FOCAD: variants seen among roughly 807,000 people sequenced by gnomAD.
The protein encoded by FOCAD is KIAA1797.
In FOCAD, 198 loss-of-function variants were observed where a neutral mutation model predicts 225.6. The ratio of observed to expected loss-of-function variants is 0.88; its 90% confidence interval spans 0.78 to 0.99. The LOEUF is 0.99. Among genes scored for constraint, FOCAD ranks in the 50% least tolerant of loss-of-function variants. FOCAD has a pLI of 0.00. For missense variants in FOCAD, 2,713 were observed against 2,123.6 expected (o/e 1.28, Z -5.46); for synonymous variants, 897 against 755.0 (o/e 1.19, Z -3.08).
At chr9:20,763,050 G>T (rs77910732) in intron 6 of FOCAD, among the ~76,000 whole-genome samples, 13 of 152,296 alleles carry the variant, frequency 8.5e-5, no homozygotes, top group South Asian at 2.1e-4. Context: ...GCTTCTTGAG[G>T]ATAGATAATT....
Position 20,971,326 on chromosome 9 carries a change from T to G in FOCAD, c.4133-5094T>G, listed in dbSNP as rs183272575. Among the ~76,000 whole-genome samples, 1,443 of 152,318 alleles carry G rather than the reference T, an allele frequency of 9.5e-3. 24 individuals carry two copies. Among genetic ancestry groups the G allele is most frequent in the Middle Eastern group, 0.034 (10 of 294 alleles). On this transcript the variant is annotated intron_variant, in intron 35 of 43. Coordinates refer to ENST00000338382, the MANE Select transcript of FOCAD (RefSeq NM_001375567.1). ...ACTCTGCTGCCACTTCCACTTCTAC[T>G]TTTTCTTTATCTCTACCAATTATGC... is the stretch of plus-strand genomic sequence containing the variant.
intron 37 of FOCAD, among the ~76,000 whole-genome samples, 192 bp downstream of exon 37, chr9:20,978,646 G>A (rs959438194): frequency 7.2e-5 from 11 of 152,180 alleles, no homozygotes; most frequent in Admixed American, 2.6e-4. Flanking sequence ...AGCCATTACC[G>A]TTCATGCTTT....
chr9:20,797,526 C>G (rs577755998), intron 11 of FOCAD, among the ~76,000 whole-genome samples: 1 of 152,218 alleles, frequency 6.6e-6, no homozygotes, highest in African/African-American at 2.4e-5. Flanking sequence ...TTGAAGAGGT[C>G]CTTCACATCC....
rs1037794368 is a variant in FOCAD, at chr9:20,832,936, T to C, written c.1920+9821T>C. Among the ~76,000 whole-genome samples, 9 of 152,118 alleles carry C rather than the reference T, an allele frequency of 5.9e-5. 1 individual carries two copies. Among genetic ancestry groups the C allele is most frequent in the African/African-American group, 2.2e-4 (9 of 41,444 alleles). ...GAGAGTGCAGATATCTTTGTAAGGC[T>C]GTGATATCTTTATGAGGTAGTGACT... On this transcript the variant is annotated intron_variant, in intron 15 of 43. Coordinates refer to ENST00000338382, the MANE Select transcript of FOCAD (RefSeq NM_001375567.1).
intron 40 of FOCAD, among the ~76,000 whole-genome samples, chr9:20,987,281 G>A (rs1209904279): frequency 6.6e-6 from 1 of 152,154 alleles, no homozygotes; most frequent in Non-Finnish European, 1.5e-5. Context: ...GGCAAGGCAG[G>A]TGGATCACCT....
intron 14 of FOCAD, among the ~76,000 whole-genome samples, chr9:20,821,345 A>T (rs1325077980): frequency 6.6e-6 from 1 of 152,022 alleles, no homozygotes; most frequent in Non-Finnish European, 1.5e-5. Flanking sequence ...AAAACATGTG[A>T]TGTTATGTTT....
chr9:20,964,695 C>A (rs988063455), intron 35 of FOCAD, among the ~76,000 whole-genome samples: 1 of 152,070 alleles, frequency 6.6e-6, no homozygotes, highest in Non-Finnish European at 1.5e-5. Flanking sequence ...GCCACCACGC[C>A]CAGCTAATTT....
intron 35 of FOCAD, among the ~76,000 whole-genome samples, chr9:20,954,231 T>A (rs2132401288): frequency 6.6e-6 from 1 of 152,336 alleles, no homozygotes; most frequent in South Asian, 2.1e-4. Context: ...GTTAGTTCAT[T>A]GTTTATGTTA....
intron 22 of FOCAD, among the ~76,000 whole-genome samples, chr9:20,908,654 C>T (rs1833180190): frequency 6.6e-6 from 1 of 152,058 alleles, no homozygotes. Context: ...TCTTCAGCAG[C>T]ATCTGGGCAC....
In FOCAD at chr9:20,959,127, G is replaced by A. The variant is rs558626161; in HGVS notation, c.4132+6062G>A. Among the ~76,000 whole-genome samples the A allele has an allele frequency of 8.5e-5, 13 of 152,206 alleles. No homozygotes were observed. In the South Asian group the frequency reaches 2.7e-3, roughly 32 times the overall value. On this transcript the variant is annotated intron_variant, in intron 35 of 43. Coordinates refer to ENST00000338382, the MANE Select transcript of FOCAD (RefSeq NM_001375567.1). ...GAACCTCCCTACTGTTATTTATAGT[G>A]GGTATACTAGTTTACATTCCCACCA...
At chr9:20,880,838 G>A (rs1233466050) in intron 19 of FOCAD, among the ~76,000 whole-genome samples, 4 of 152,042 alleles carry the variant, frequency 2.6e-5, no homozygotes, top group East Asian at 1.9e-4. Context: ...TTCATTTTCC[G>A]CTACATATGA....
At chr9:20,738,066 C>G (rs1827295629) in intron 4 of FOCAD, among the ~76,000 whole-genome samples, 2 of 152,112 alleles carry the variant, frequency 1.3e-5, no homozygotes, top group Admixed American at 1.3e-4. Flanking sequence ...AGTTCTGATT[C>G]TGAAAAAGTA....
At chr9:20,846,851 C>T (rs1827164245) in intron 15 of FOCAD, among the ~76,000 whole-genome samples, 1 of 152,004 alleles carries the variant, frequency 6.6e-6, no homozygotes, top group South Asian at 2.1e-4. Context: ...TAGTGCTTAC[C>T]CATTGCCAAA....
At chr9:20,885,861 G>T (rs1393611921) in intron 21 of FOCAD, among the ~76,000 whole-genome samples, 2 of 152,066 alleles carry the variant, frequency 1.3e-5, no homozygotes, top group African/African-American at 4.8e-5. Context: ...TAAAATGTAT[G>T]AATGAATAAC....
chr9:20,913,224 C>T (rs1442983226), intron 23 of FOCAD, among the ~76,000 whole-genome samples: 1 of 149,992 alleles, frequency 6.7e-6, no homozygotes, highest in African/African-American at 2.5e-5. Context: ...TTGCTTTTTC[C>T]CTTTTCTACC....
intron 41 of FOCAD, 100 bp downstream of exon 41, chr9:20,988,529 TG>T: frequency 3.1e-6 from 1 of 320,540 alleles, no homozygotes; most frequent in East Asian, 6.6e-5. Context: ...TGGCAAAAAC[TG>T]CAATTACTTT....
chr9:20,963,728 C>G (rs1391306853), intron 35 of FOCAD, among the ~76,000 whole-genome samples: 1 of 152,106 alleles, frequency 6.6e-6, no homozygotes, highest in Admixed American at 6.6e-5. Flanking sequence ...TTTGTGTTTT[C>G]TTTTTTGTGA....
chr9:20,764,481 T>A (rs1380427738), intron 6 of FOCAD, among the ~76,000 whole-genome samples: 1 of 152,224 alleles, frequency 6.6e-6, no homozygotes, highest in East Asian at 1.9e-4. Flanking sequence ...CTCTATCTCC[T>A]GACCTCATGA....
In FOCAD at chr9:20,882,983, G is replaced by C. The variant is rs150834690; in HGVS notation, c.2503+927G>C. On this transcript the variant is annotated intron_variant, in intron 20 of 43. Transcript: ENST00000338382. ...CCAGAGCTGGACTCAAATTACAAAAGTTATAATCAGTCCTAACCCAGATCA... is the reference window on the plus strand; with the variant it reads ...CCAGAGCTGGACTCAAATTACAAAACTTATAATCAGTCCTAACCCAGATCA... Among the ~76,000 whole-genome samples the C allele has an allele frequency of 1.9e-3, 291 of 152,236 alleles. 1 individual carries two copies. The highest frequency in any genetic ancestry group is 3.5e-3 in the Non-Finnish European group (240 of 68,014).
Sources: gnomAD v4.1 joint callset for allele counts (sites outside exome capture counted in the v4.1 genomes callset) on GRCh38, gnomAD v4.1.1 for gene constraint, MANE v1.5 for transcripts, NCBI Gene and HGNC (gene_info 2026-07-23, HGNC 2026-07-21) for gene names.